The following PDE1C variants were observed in gnomAD, a reference collection of about 807,000 sequenced individuals.
PDE1C encodes phosphodiesterase 1C.
A neutral mutation model predicts 93.1 loss-of-function variants in PDE1C; 62 were observed. That is an observed-to-expected ratio of 0.67 (90% confidence interval 0.54 to 0.82). The LOEUF is 0.82. Ranked by LOEUF, PDE1C falls within the 40% of genes least tolerant of loss-of-function variation. The pLI, the probability that PDE1C is intolerant of heterozygous loss-of-function variation, is 0.00. For missense variants in PDE1C, 742 were observed against 884.6 expected (o/e 0.84, Z 2.04); for synonymous variants, 325 against 310.1 (o/e 1.05, Z -0.50).
At chr7:31,754,922 T>C (rs80022350) in intron 17 of PDE1C, among the ~76,000 whole-genome samples, 5,447 of 152,300 alleles carry the variant, frequency 0.036, 343 homozygotes, top group African/African-American at 0.12. Context: ...GGAGGAATCC[T>C]AGAATGAAAT....
Position 31,753,542 on chromosome 7 carries a change from G to C in PDE1C, c.1972C>G (p.Pro658Ala). The change falls in exon 18 of 18, where the codon CCT becomes GCT. Residue 658 changes from proline (P) to alanine (A), a missense_variant. This residue lies in a region of PDE1C where 454 missense variants were observed against 459.4 expected (regional missense o/e 0.99). Transcript: ENST00000396191. ...GCAGGGCGTTTAAAATGACGCAAAG[G>C]AGGCTTGATGACTGGCGGCCATGGA... ...CRLTLPVIKP[P>A]LRHFKRPAYA... is the part of the protein sequence containing the mutation. 1 of 1,609,508 alleles carries C rather than the reference G, an allele frequency of 6.2e-7. No individual in the cohort carries two copies. The highest frequency in any genetic ancestry group is 8.5e-7 in the Non-Finnish European group (1 of 1,178,438).
At chr7:32,376,380 T>C (rs1479792148) in intron 1 of PDE1C, among the ~76,000 whole-genome samples, 1 of 152,210 alleles carries the variant, frequency 6.6e-6, no homozygotes, top group African/African-American at 2.4e-5. Flanking sequence ...GTTATTAATA[T>C]GTGGTATCAT....
intron 9 of PDE1C, among the ~76,000 whole-genome samples, chr7:31,847,549 TA>T (rs371555340): frequency 3.3e-4 from 48 of 147,564 alleles, no homozygotes; most frequent in South Asian, 8.6e-4. Flanking sequence ...TTCCTAAGGT[TA>T]AAAAAAAAAG....
chr7:31,898,308 A>G (rs983298278), intron 2 of PDE1C, among the ~76,000 whole-genome samples: 9 of 152,110 alleles, frequency 5.9e-5, no homozygotes, highest in Non-Finnish European at 4.4e-5. Flanking sequence ...CCACCTAGGG[A>G]TTACAACTAT....
At chr7:31,935,234 T>C (rs1331732910) in intron 2 of PDE1C, among the ~76,000 whole-genome samples, 1 of 152,194 alleles carries the variant, frequency 6.6e-6, no homozygotes, top group Non-Finnish European at 1.5e-5. Context: ...CTTTCTCATA[T>C]TGACACAACA....
At chr7:32,215,076 C>A (rs1806329443) in intron 1 of PDE1C, among the ~76,000 whole-genome samples, 1 of 152,072 alleles carries the variant, frequency 6.6e-6, no homozygotes, top group Non-Finnish European at 1.5e-5. Flanking sequence ...AGGTTGTAAA[C>A]CAGGGGTCCC....
intron 1 of PDE1C, among the ~76,000 whole-genome samples, chr7:32,251,305 C>T (rs544372074): frequency 5.9e-5 from 9 of 152,342 alleles, no homozygotes; most frequent in African/African-American, 1.9e-4. Flanking sequence ...CCTACTTTGA[C>T]CTGCACGTTT....
At chr7:32,206,993 C>T (rs1033245737) in intron 2 of PDE1C, among the ~76,000 whole-genome samples, 2 of 152,202 alleles carry the variant, frequency 1.3e-5, no homozygotes, top group Admixed American at 6.5e-5. Flanking sequence ...AGGAGAATGA[C>T]TTCCCCATGT....
chr7:32,177,423 G>A (rs1184916623), intron 2 of PDE1C, among the ~76,000 whole-genome samples: 3 of 152,106 alleles, frequency 2.0e-5, no homozygotes, highest in East Asian at 3.9e-4. Context: ...TGCCAGACAT[G>A]CCTGGTTCCA....
At chr7:32,081,681 T>A (rs577085598) in intron 3 of PDE1C, among the ~76,000 whole-genome samples, 35 of 152,262 alleles carry the variant, frequency 2.3e-4, no homozygotes, top group African/African-American at 7.2e-4. Flanking sequence ...AACAATGAGG[T>A]GGAATTAGTT....
At chr7:31,883,378 C>A (rs773130680) in intron 2 of PDE1C, among the ~76,000 whole-genome samples, 2 of 152,016 alleles carry the variant, frequency 1.3e-5, no homozygotes, top group Admixed American at 6.6e-5. Context: ...CAAACTGTAC[C>A]AAATGGACAA....
chr7:32,416,414 G>C (rs533776205), intron 1 of PDE1C, among the ~76,000 whole-genome samples: 66 of 152,302 alleles, frequency 4.3e-4, no homozygotes, highest in Non-Finnish European at 3.7e-4. Flanking sequence ...ATGTAAGCTT[G>C]GAGGGGTTTC....
chr7:31,647,432 T>C, the PDE1C span, among the ~76,000 whole-genome samples: 1 of 150,422 alleles, frequency 6.6e-6, no homozygotes, highest in Non-Finnish European at 1.5e-5. Flanking sequence ...GAGGCCAAGA[T>C]GGGTGGATCA....
At chr7:31,651,952 C>T in the PDE1C span, 1 of 1,596,844 alleles carries the variant, frequency 6.3e-7, no homozygotes, top group South Asian at 1.1e-5. Flanking sequence ...GGAGGCCGAG[C>T]AACTGCAAAC....
chr7:32,093,089 C>A (rs1797564718), intron 3 of PDE1C, among the ~76,000 whole-genome samples: 1 of 152,136 alleles, frequency 6.6e-6, no homozygotes, highest in South Asian at 2.1e-4. Flanking sequence ...AGACGATCAC[C>A]CTATCTGTCT....
intron 1 of PDE1C, among the ~76,000 whole-genome samples, chr7:32,210,976 G>C (rs1264393274): frequency 6.6e-6 from 1 of 152,170 alleles, no homozygotes; most frequent in African/African-American, 2.4e-5. Flanking sequence ...GGCACTTTGG[G>C]AGGTCGAGGC....
At chr7:32,282,581 T>A (rs1183844643) in intron 1 of PDE1C, among the ~76,000 whole-genome samples, 1 of 33,008 alleles carries the variant, frequency 3.0e-5, no homozygotes, top group African/African-American at 1.1e-4. Context: ...GTTTTATGTC[T>A]TCTTTTTTTT....
At chr7:32,258,623 A>C (rs1291814138) in intron 1 of PDE1C, among the ~76,000 whole-genome samples, 1 of 152,216 alleles carries the variant, frequency 6.6e-6, no homozygotes, top group Non-Finnish European at 1.5e-5. Flanking sequence ...AGGAATCACC[A>C]TGTTAAAAAG....
At chr7:31,709,405 G>A in the PDE1C span, among the ~76,000 whole-genome samples, 4 of 152,160 alleles carry the variant, frequency 2.6e-5, no homozygotes, top group South Asian at 2.1e-4. Context: ...AAAGAGCTTC[G>A]TAAGCTAAAA....
Sources: gnomAD v4.1 joint callset for allele counts (sites outside exome capture counted in the v4.1 genomes callset) on GRCh38, gnomAD v4.1.1 for gene constraint, gnomAD v4.1.1 regional missense constraint, MANE v1.5 for transcripts, NCBI Gene and HGNC (gene_info 2026-07-23, HGNC 2026-07-21) for gene names.